Variants in KCNH7 observed in about 807,000 individuals in gnomAD.
KCNH7 encodes potassium voltage-gated channel subfamily H member 7.
KCNH7 carries 49 observed loss-of-function variants against 120.8 expected under a neutral mutation model. The observed-to-expected ratio is 0.41, with a 90% CI of 0.32 to 0.51. KCNH7 has a LOEUF of 0.51. Ranked by LOEUF, KCNH7 falls within the 20% of genes least tolerant of loss-of-function variation. The probability of loss-of-function intolerance (pLI) is 0.38; values close to 1 mark genes in which losing one functional copy is unlikely to be tolerated. For synonymous variants in KCNH7, 547 were observed against 516.1 expected (o/e 1.06, Z -0.81); for missense variants, 1,097 against 1,446.6 (o/e 0.76, Z 3.92).
At chr2:162,461,790 G>C (rs1689156152) in intron 6 of KCNH7, among the ~76,000 whole-genome samples, 2 of 152,162 alleles carry the variant, frequency 1.3e-5, no homozygotes, top group African/African-American at 4.8e-5. Context: ...GCAAGTGATA[G>C]CATATGTCCT....
chr2:162,699,606 AT>A (rs1239533174), intron 2 of KCNH7, among the ~76,000 whole-genome samples: 1 of 152,138 alleles, frequency 6.6e-6, no homozygotes, highest in African/African-American at 2.4e-5. Context: ...TTCTTGTCAA[AT>A]ATTTATATTT....
chr2:162,787,341 C>T (rs964387934), intron 2 of KCNH7, among the ~76,000 whole-genome samples: 2 of 152,178 alleles, frequency 1.3e-5, no homozygotes, highest in African/African-American at 4.8e-5. Context: ...TAGGCTGGCA[C>T]CATGAACCCA....
At chr2:162,501,918 A>C (rs1314250084) in intron 6 of KCNH7, 1 of 152,220 alleles carries the variant, frequency 6.6e-6, no homozygotes, top group African/African-American at 2.4e-5. Flanking sequence ...TATATTACAA[A>C]GCTAAATTTG....
At chr2:162,723,390 G>A (rs1397347217) in intron 2 of KCNH7, among the ~76,000 whole-genome samples, 1 of 152,082 alleles carries the variant, frequency 6.6e-6, no homozygotes, top group Non-Finnish European at 1.5e-5. Context: ...GGGATATCCA[G>A]TAACAGATGA....
chr2:162,517,638 A>C, intron 4 of KCNH7, 92 bp downstream of exon 4: 1 of 1,101,704 alleles, frequency 9.1e-7, no homozygotes, highest in South Asian at 1.7e-5. Context: ...TCCCCAATGC[A>C]CAGAGATTAT....
intron 9 of KCNH7, among the ~76,000 whole-genome samples, chr2:162,421,849 G>C (rs1216573927): frequency 1.3e-5 from 2 of 152,098 alleles, no homozygotes; most frequent in African/African-American, 4.8e-5. Context: ...TTTTGCTACT[G>C]TTTTTGAAAT....
chr2:162,392,159 A>G (rs544047933), intron 12 of KCNH7, among the ~76,000 whole-genome samples: 1 of 152,188 alleles, frequency 6.6e-6, no homozygotes, highest in African/African-American at 2.4e-5. Flanking sequence ...CATAAGAGAA[A>G]GAGAAGCTTT....
At chr2:162,561,114 A>T (rs541812925) in intron 2 of KCNH7, among the ~76,000 whole-genome samples, 2 of 152,292 alleles carry the variant, frequency 1.3e-5, no homozygotes, top group East Asian at 3.9e-4. Flanking sequence ...TATAGTATGA[A>T]AAATTTTGCT....
chr2:162,421,846 A>G (rs992874351), intron 9 of KCNH7, among the ~76,000 whole-genome samples: 1 of 152,148 alleles, frequency 6.6e-6, no homozygotes, highest in Non-Finnish European at 1.5e-5. Context: ...TTGTTTTGCT[A>G]CTGTTTTTGA....
At chr2:162,521,761 A>G (rs909320342) in intron 3 of KCNH7, among the ~76,000 whole-genome samples, 5 of 151,862 alleles carry the variant, frequency 3.3e-5, no homozygotes, top group African/African-American at 1.2e-4. Flanking sequence ...AAACATTCCA[A>G]TTCTACTCTT....
intron 2 of KCNH7, chr2:162,785,140 G>A (rs1683649962): frequency 6.6e-6 from 1 of 152,182 alleles, no homozygotes; most frequent in South Asian, 2.1e-4. Flanking sequence ...AATAAGGATG[G>A]TCTTTTCTAT....
intron 2 of KCNH7, among the ~76,000 whole-genome samples, chr2:162,581,579 G>A (rs1316708807): frequency 7.0e-6 from 1 of 142,398 alleles, no homozygotes; most frequent in East Asian, 2.1e-4. Flanking sequence ...AAATTACCTT[G>A]TTTAACTGCA....
intron 6 of KCNH7, among the ~76,000 whole-genome samples, chr2:162,464,283 C>G (rs1295167722): frequency 6.6e-6 from 1 of 151,882 alleles, no homozygotes; most frequent in African/African-American, 2.4e-5. Context: ...TCTAAATGGT[C>G]CTGAATTCCA....
At chr2:162,690,452 C>A (rs1426271533) in intron 2 of KCNH7, among the ~76,000 whole-genome samples, 1 of 151,992 alleles carries the variant, frequency 6.6e-6, no homozygotes, top group African/African-American at 2.4e-5. Context: ...CTGGTTTTAC[C>A]CATCATTCAT....
intron 11 of KCNH7, among the ~76,000 whole-genome samples, chr2:162,395,137 TA>T (rs552202203): frequency 4.9e-4 from 75 of 151,980 alleles, no homozygotes; most frequent in African/African-American, 1.8e-3. Context: ...ACATTATTGG[TA>T]AGGCTTCTAA....
chr2:162,454,544 G>T (rs534405529), intron 6 of KCNH7, among the ~76,000 whole-genome samples: 32 of 152,114 alleles, frequency 2.1e-4, no homozygotes, highest in Non-Finnish European at 3.8e-4. Flanking sequence ...ACTTTGGACA[G>T]TATGGCCATT....
chr2:162,496,715 A>C (rs763879089), intron 6 of KCNH7, among the ~76,000 whole-genome samples: 1 of 152,204 alleles, frequency 6.6e-6, no homozygotes, highest in Non-Finnish European at 1.5e-5. Context: ...TCAAGAGTGA[A>C]GAATCAATGA....
At chr2:162,838,361 C>A in intron 1 of KCNH7, 82 bp downstream of exon 1, 2 of 1,178,388 alleles carry the variant, frequency 1.7e-6, no homozygotes, top group South Asian at 1.3e-5. Context: ...AGTTGCCGGT[C>A]TCCCCACCTT....
chr2:162,619,816 T>A (rs1683283192), intron 2 of KCNH7, among the ~76,000 whole-genome samples: 1 of 152,082 alleles, frequency 6.6e-6, no homozygotes, highest in Non-Finnish European at 1.5e-5. Context: ...AGCTTGACAA[T>A]CTAATTTATT....
Sources: gnomAD v4.1 joint callset for allele counts (sites outside exome capture counted in the v4.1 genomes callset) on GRCh38, gnomAD v4.1.1 for gene constraint, MANE v1.5 for transcripts, NCBI Gene and HGNC (gene_info 2026-07-23, HGNC 2026-07-21) for gene names.